The following PDE4D variants were observed in gnomAD, a reference collection of about 807,000 sequenced individuals.
PDE4D encodes 3',5'-cyclic-AMP phosphodiesterase 4D.
Under a neutral mutation model 87.4 loss-of-function variants are expected in PDE4D, and 24 were observed. The ratio of observed to expected loss-of-function variants is 0.27; its 90% confidence interval spans 0.20 to 0.39. The LOEUF is 0.39. PDE4D is among the 10% of genes least tolerant of loss of function. PDE4D has a pLI of 1.00. For missense variants in PDE4D, 714 were observed against 1,041.0 expected (o/e 0.69, Z 4.32); for synonymous variants, 384 against 383.2 (o/e 1.00, Z -0.02).
chr5:59,836,556 C>T (rs114676295), intron 1 of PDE4D, among the ~76,000 whole-genome samples: 6,771 of 151,986 alleles, frequency 0.045, 237 homozygotes, highest in South Asian at 0.073. Flanking sequence ...AGCTTCTTAC[C>T]TTGCCCTGCA....
At chr5:59,485,822 G>A (rs938135024) in intron 1 of PDE4D, among the ~76,000 whole-genome samples, 1 of 152,022 alleles carries the variant, frequency 6.6e-6, no homozygotes, top group African/African-American at 2.4e-5. Flanking sequence ...ATTGCCAGGG[G>A]CATTCCCAGC....
chr5:60,068,756 T>C (rs961231365), intron 2 of PDE4D, among the ~76,000 whole-genome samples: 8 of 152,062 alleles, frequency 5.3e-5, no homozygotes, highest in Non-Finnish European at 1.2e-4. Flanking sequence ...GCCTACCATA[T>C]CCAGCTAATT....
intron 5 of PDE4D, among the ~76,000 whole-genome samples, chr5:59,102,253 A>G (rs1345866263): frequency 2.6e-5 from 4 of 151,690 alleles, no homozygotes; most frequent in South Asian, 2.1e-4. Context: ...CTCCTGGCTA[A>G]TTTTTTATTT....
intron 1 of PDE4D, among the ~76,000 whole-genome samples, chr5:59,587,964 G>C (rs755685186): frequency 2.6e-5 from 4 of 152,020 alleles, no homozygotes; most frequent in Non-Finnish European, 5.9e-5. Flanking sequence ...GAGATAATTT[G>C]CAAATGATAG....
chr5:59,898,427 T>C (rs1033702727), upstream of PDE4D, among the ~76,000 whole-genome samples: 6 of 152,172 alleles, frequency 3.9e-5, no homozygotes, highest in Non-Finnish European at 7.4e-5. Flanking sequence ...GGAAGAGATA[T>C]ACTGATGCGG....
At chr5:60,330,028 G>A (rs1233515935) in intron 1 of PDE4D, among the ~76,000 whole-genome samples, 1 of 144,564 alleles carries the variant, frequency 6.9e-6, no homozygotes, top group Non-Finnish European at 1.5e-5. Context: ...GTAACAAATA[G>A]TTCTAAATGA....
chr5:59,968,252 G>GGTATTA (rs1554124599), intron 3 of PDE4D, among the ~76,000 whole-genome samples: 1 of 151,314 alleles, frequency 6.6e-6, no homozygotes, highest in East Asian at 2.0e-4. Context: ...CCAAAGTGCT[G>GGTATTA]GGATTACAGG....
chr5:59,586,408 T>G (rs1240741344), intron 1 of PDE4D: 1 of 1,608,184 alleles, frequency 6.2e-7, no homozygotes, highest in East Asian at 2.2e-5. Flanking sequence ...ATATTTTTCT[T>G]GTCTCCTACG....
chr5:59,975,200 AC>A (rs1482166034), intron 3 of PDE4D, among the ~76,000 whole-genome samples: 1 of 152,120 alleles, frequency 6.6e-6, no homozygotes, highest in Admixed American at 6.5e-5. Context: ...TGTCATCTTG[AC>A]AGCTTGAATC....
chr5:59,229,206 C>A (rs1255603810), intron 1 of PDE4D, among the ~76,000 whole-genome samples: 2 of 152,160 alleles, frequency 1.3e-5, no homozygotes, highest in East Asian at 3.9e-4. Context: ...CAGTGCCTCA[C>A]ACGTACGAGT....
At chr5:59,081,442 C>G (rs1206894248) in intron 5 of PDE4D, among the ~76,000 whole-genome samples, 2 of 143,534 alleles carry the variant, frequency 1.4e-5, no homozygotes, top group Non-Finnish European at 3.0e-5. Flanking sequence ...TGTGTATATT[C>G]AATTCAATAT....
chr5:59,998,328 A>G (rs1249865492), intron 2 of PDE4D, among the ~76,000 whole-genome samples: 2 of 152,176 alleles, frequency 1.3e-5, no homozygotes, highest in Non-Finnish European at 2.9e-5. Flanking sequence ...AGTTTAATGT[A>G]GGAAACCCAG....
chr5:60,435,561 C>T (rs1744692545), intron 1 of PDE4D, among the ~76,000 whole-genome samples: 1 of 151,936 alleles, frequency 6.6e-6, no homozygotes, highest in African/African-American at 2.4e-5. Flanking sequence ...GAGCATGTAG[C>T]TTTCAAGATT....
chr5:58,981,010 A>G (rs889572218), intron 11 of PDE4D, among the ~76,000 whole-genome samples: 9 of 151,952 alleles, frequency 5.9e-5, no homozygotes, highest in African/African-American at 1.7e-4. Flanking sequence ...CCTTCCCCCA[A>G]TGTTTTGTTC....
chr5:60,304,438 G>C (rs1383654148), intron 1 of PDE4D, among the ~76,000 whole-genome samples: 1 of 151,620 alleles, frequency 6.6e-6, no homozygotes, highest in Non-Finnish European at 1.5e-5. Context: ...GAGGTCAGGA[G>C]ATCGAGACCA....
rs555631634 is a variant in PDE4D, at chr5:60,169,784, A to G, written c.42+15773T>C. 2.0e-5 allele frequency among the ~76,000 whole-genome samples: 3 copies of G among 152,188 alleles called. No individual in the cohort carries two copies. The South Asian group carries it at 6.2e-4, about 32-fold the overall frequency. ...TCCCACTTTTCCCTCTGTTCCCTTT[A>G]TTACTGCAGAGACAGAGTCTTAAAA... On this transcript the variant is annotated intron_variant, in intron 2 of 16. Transcript: ENST00000502484.
At chr5:59,528,112 A>T (rs1813491826) in intron 1 of PDE4D, among the ~76,000 whole-genome samples, 1 of 152,174 alleles carries the variant, frequency 6.6e-6, no homozygotes, top group Non-Finnish European at 1.5e-5. Context: ...TGGTGACAGG[A>T]GTTTGTAATC....
chr5:59,019,873 ATCTAT>A, intron 6 of PDE4D, among the ~76,000 whole-genome samples: 1 of 26,012 alleles, frequency 3.8e-5, no homozygotes, highest in East Asian at 3.8e-3. Context: ...ATGTTTCGCT[ATCTAT>A]CTATCTATCT....
intron 1 of PDE4D, among the ~76,000 whole-genome samples, chr5:59,306,334 T>C (rs1027210264): frequency 6.6e-6 from 1 of 152,216 alleles, no homozygotes; most frequent in Non-Finnish European, 1.5e-5. Context: ...GGTGAGTTCT[T>C]ATCCATTCTG....
Sources: allele counts gnomAD v4.1 joint callset (sites outside exome capture counted in the v4.1 genomes callset), GRCh38; gene constraint gnomAD v4.1.1; transcripts MANE v1.5; gene names NCBI Gene and HGNC (gene_info 2026-07-23, HGNC 2026-07-21).